The following LUC7L2 variants were observed in gnomAD, a reference collection of about 807,000 sequenced individuals.
The protein encoded by LUC7L2 is putative RNA-binding protein Luc7-like 2.
LUC7L2 carries 25 observed loss-of-function variants against 52.8 expected under a neutral mutation model. That is an observed-to-expected ratio of 0.47 (90% CI 0.34 to 0.66). The LOEUF is 0.66. Ranked by LOEUF, LUC7L2 falls within the 30% of genes least tolerant of loss-of-function variation. The pLI is 0.01. For missense variants in LUC7L2, 328 were observed against 497.8 expected (o/e 0.66, Z 3.25); for synonymous variants, 144 against 160.9 (o/e 0.89, Z 0.80).
chr7:139,348,449 G>A (rs1191357920), intron 1 of LUC7L2, among the ~76,000 whole-genome samples: 2 of 152,162 alleles, frequency 1.3e-5, no homozygotes, highest in Non-Finnish European at 2.9e-5. Flanking sequence ...GGCCGGGCAC[G>A]GTGGCTCATG....
At chr7:139,372,553 A>G (rs956225879) in intron 1 of LUC7L2, among the ~76,000 whole-genome samples, 1 of 151,814 alleles carries the variant, frequency 6.6e-6, no homozygotes, top group Non-Finnish European at 1.5e-5. Context: ...CTTGGTGGTA[A>G]TTTTAGTCTA....
chr7:139,376,928 G>A (rs893636592), intron 2 of LUC7L2, among the ~76,000 whole-genome samples: 3 of 152,192 alleles, frequency 2.0e-5, no homozygotes, highest in Admixed American at 1.3e-4. Context: ...GAAGCAATGA[G>A]TTTCTCAGCC....
chr7:139,350,323 GTGT>G (rs1799413074), intron 1 of LUC7L2, among the ~76,000 whole-genome samples: 1 of 151,496 alleles, frequency 6.6e-6, no homozygotes, highest in South Asian at 2.1e-4. Flanking sequence ...GGGTTTCACC[GTGT>G]TAGCCAGGAT....
At chr7:139,374,495 A>T in intron 1 of LUC7L2, 1 of 1,550,382 alleles carries the variant, frequency 6.5e-7, no homozygotes, top group Non-Finnish European at 8.7e-7. Context: ...AACTTTTCAG[A>T]TGTGTTAATG....
At chr7:139,390,247 CTTAT>C (rs766449389) in intron 2 of LUC7L2, among the ~76,000 whole-genome samples, 14 of 149,714 alleles carry the variant, frequency 9.4e-5, no homozygotes, top group Non-Finnish European at 1.8e-4. Context: ...CTCTTTTTTT[CTTAT>C]TTTTTTTTTT....
intron 1 of LUC7L2, chr7:139,374,464 G>A (rs1800608509): frequency 1.9e-6 from 3 of 1,550,748 alleles, no homozygotes; most frequent in Non-Finnish European, 2.6e-6. Flanking sequence ...CCCCGCATTC[G>A]CCAAGCCGTG....
intron 2 of LUC7L2, among the ~76,000 whole-genome samples, chr7:139,376,696 A>C (rs966673675): frequency 6.6e-6 from 1 of 152,180 alleles, no homozygotes; most frequent in Non-Finnish European, 1.5e-5. Flanking sequence ...TCATCGTTTT[A>C]ATTTGGAAGA....
chr7:139,401,124 T>C (rs1306547007), intron 3 of LUC7L2, among the ~76,000 whole-genome samples: 2 of 152,220 alleles, frequency 1.3e-5, no homozygotes, highest in Non-Finnish European at 2.9e-5. Context: ...TATATAAATA[T>C]TGAATTTTTA....
In LUC7L2 at chr7:139,410,596, C is replaced by G. The variant is rs187450748; in HGVS notation, c.779+942C>G. The stretch of plus-strand genomic sequence containing the variant: ...ATTTTTTTGTAACTCATCTTTTTAA[C>G]TTCAGCAGCTTTAGGATGGACAGTT... On this transcript the variant is annotated intron_variant, in intron 7 of 9. Transcript: ENST00000354926. Among the ~76,000 whole-genome samples, 238 of 152,270 alleles carry G rather than the reference C, an allele frequency of 1.6e-3. 1 individual carries two copies. The highest frequency in any genetic ancestry group is 5.3e-3 in the African/African-American group (222 of 41,554).
chr7:139,362,787 C>A (rs142571082), intron 1 of LUC7L2, among the ~76,000 whole-genome samples: 1 of 152,048 alleles, frequency 6.6e-6, no homozygotes, highest in African/African-American at 2.4e-5. Context: ...TACCTCCTCA[C>A]CCCCTCAAGG....
In LUC7L2 at chr7:139,374,670, A is replaced by G. The variant is rs1022343126; in HGVS notation, c.62-1392A>G. Reference sequence around the variant, plus strand: ...CCTATTGTTGAACTGCTCTGAAGCTATCATTTTAACTATAAATTACTGTTG... The same window carrying G: ...CCTATTGTTGAACTGCTCTGAAGCTGTCATTTTAACTATAAATTACTGTTG... On this transcript the variant is annotated intron_variant, in intron 1 of 9. Transcript: ENST00000354926. 3.8e-6 allele frequency: 5 copies of G among 1,319,386 alleles called. No homozygotes were observed. The African/African-American group carries it at 6.0e-5, about 16-fold the overall frequency. The allele number at this position is 1,319,386 out of a possible 1,614,324, so 81.7% of individuals were successfully genotyped here.
chr7:139,365,680 A>C (rs896089748), intron 1 of LUC7L2, among the ~76,000 whole-genome samples: 3 of 152,192 alleles, frequency 2.0e-5, no homozygotes, highest in Admixed American at 6.5e-5. Flanking sequence ...ATACTCCCCA[A>C]AGATGGAATT....
chr7:139,378,600 C>T (rs1353426559), intron 2 of LUC7L2, among the ~76,000 whole-genome samples: 1 of 152,060 alleles, frequency 6.6e-6, no homozygotes. Flanking sequence ...GAAAAATCAA[C>T]AGTTACAATT....
intron 3 of LUC7L2, among the ~76,000 whole-genome samples, chr7:139,399,076 T>C (rs926288639): frequency 1.3e-5 from 2 of 152,110 alleles, no homozygotes; most frequent in Non-Finnish European, 2.9e-5. Flanking sequence ...TACTTATATA[T>C]ATATATACAT....
intron 1 of LUC7L2, among the ~76,000 whole-genome samples, chr7:139,368,670 G>A (rs1332857712): frequency 2.0e-5 from 3 of 150,318 alleles, no homozygotes; most frequent in South Asian, 2.1e-4. Context: ...CCCAGGAGAC[G>A]GAGGTTGCTG....
intron 1 of LUC7L2, chr7:139,345,744 T>C (rs572435518): frequency 4.5e-5 from 71 of 1,570,064 alleles, no homozygotes; most frequent in Non-Finnish European, 5.4e-5. Flanking sequence ...CATAGGAGAA[T>C]TGAATAATTT....
intron 2 of LUC7L2, 121 bp downstream of exon 2, chr7:139,376,277 G>T (rs1310445844): frequency 2.0e-6 from 2 of 995,584 alleles, no homozygotes; most frequent in African/African-American, 1.6e-5. Flanking sequence ...ATCCTTTATT[G>T]TTTGTTTATT....
At chr7:139,362,927 A>G (rs1217771744) in intron 1 of LUC7L2, among the ~76,000 whole-genome samples, 1 of 152,230 alleles carries the variant, frequency 6.6e-6, no homozygotes, top group Non-Finnish European at 1.5e-5. Context: ...GATTACCTAA[A>G]CTTCACTGGA....
chr7:139,360,771 TC>T (rs1395986395), intron 1 of LUC7L2, among the ~76,000 whole-genome samples: 2 of 152,128 alleles, frequency 1.3e-5, no homozygotes, highest in African/African-American at 2.4e-5. Context: ...CCCCTCCTCT[TC>T]CTGGGTCAGG....
Sources: gnomAD v4.1 joint callset for allele counts (sites outside exome capture counted in the v4.1 genomes callset) on GRCh38, gnomAD v4.1.1 for gene constraint, MANE v1.5 for transcripts, NCBI Gene and HGNC (gene_info 2026-07-23, HGNC 2026-07-21) for gene names.